SPATA13: variants seen among roughly 807,000 people sequenced by gnomAD.
The protein encoded by SPATA13 is spermatogenesis associated 13.
In SPATA13, 50 loss-of-function variants were observed where a neutral mutation model predicts 104.0. The observed-to-expected ratio is 0.48, with a 90% CI of 0.38 to 0.61. The LOEUF (loss-of-function observed/expected upper bound fraction) is 0.61, where lower values mean the gene tolerates loss of function less well. Ranked by LOEUF, SPATA13 falls within the 20% of genes least tolerant of loss-of-function variation. The pLI is 0.00. For missense variants in SPATA13, 1,524 were observed against 1,690.6 expected (o/e 0.90, Z 1.73); for synonymous variants, 606 against 667.5 (o/e 0.91, Z 1.42).
At chr13:24,165,205 C>G (rs189939604) in intron 1 of SPATA13, among the ~76,000 whole-genome samples, 1 of 152,262 alleles carries the variant, frequency 6.6e-6, no homozygotes, top group Admixed American at 6.5e-5. Context: ...AGCGGGACTG[C>G]CCTAGTCTTT....
At chr13:24,247,593 C>A (rs1363907647) in intron 2 of SPATA13, among the ~76,000 whole-genome samples, 5 of 149,514 alleles carry the variant, frequency 3.3e-5, no homozygotes, top group Non-Finnish European at 7.4e-5. Flanking sequence ...GACTCTCCTG[C>A]CGCCTCAGCC....
chr13:24,223,628 C>G lies in SPATA13; in HGVS notation c.699C>G (p.Ala233=), dbSNP rs373157511. Residue 233 remains alanine (A), a synonymous_variant, in exon 2 of 13, where the codon GCC becomes GCG. Transcript: ENST00000382108. ...TPTIATGQVP[A]VCEILVRDPE... is the part of the protein sequence containing the mutation. ...CGATAGCCACTGGCCAGGTGCCCGC[C>G]GTGTGTGAGATTCTCGTGAGGGACC... 1 of 1,551,906 alleles carries G rather than the reference C, an allele frequency of 6.4e-7. No individual in the cohort carries two copies. The highest frequency in any genetic ancestry group is 1.2e-5 in the South Asian group (1 of 84,064).
At chr13:24,048,631 G>T (rs1878229818) in intron 3 of SPATA13, among the ~76,000 whole-genome samples, 1 of 151,730 alleles carries the variant, frequency 6.6e-6, no homozygotes, top group Non-Finnish European at 1.5e-5. Flanking sequence ...AAACATTTCA[G>T]ATAGTTCAGG....
chr13:24,258,859 C>T (rs1052965731), intron 4 of SPATA13, among the ~76,000 whole-genome samples: 2 of 152,184 alleles, frequency 1.3e-5, no homozygotes, highest in Non-Finnish European at 2.9e-5. Context: ...AGAAACAGGT[C>T]CTCTTCCCCG....
intron 3 of SPATA13, among the ~76,000 whole-genome samples, chr13:24,094,422 T>C (rs986242390): frequency 2.6e-5 from 4 of 152,072 alleles, no homozygotes; most frequent in African/African-American, 9.7e-5. Context: ...TCGAAAACTG[T>C]CCCATCGCAA....
intron 3 of SPATA13, chr13:24,034,689 G>C (rs1278088763): frequency 4.6e-5 from 7 of 152,206 alleles, no homozygotes; most frequent in African/African-American, 1.7e-4. Flanking sequence ...CTCCATGACA[G>C]CTCAATCCCA....
intron 3 of SPATA13, among the ~76,000 whole-genome samples, chr13:24,067,682 G>T (rs1879012372): frequency 6.6e-6 from 1 of 152,060 alleles, no homozygotes; most frequent in Non-Finnish European, 1.5e-5. Flanking sequence ...CTGCTGATTT[G>T]ACCTAATATG....
intron 3 of SPATA13, among the ~76,000 whole-genome samples, chr13:24,043,073 G>C (rs888988926): frequency 6.6e-6 from 1 of 152,178 alleles, no homozygotes; most frequent in South Asian, 2.1e-4. Context: ...TAAATTTCAA[G>C]TGTTCGTTTC....
chr13:24,120,104 TG>T (rs1303617658), intron 3 of SPATA13, among the ~76,000 whole-genome samples: 1 of 152,134 alleles, frequency 6.6e-6, no homozygotes, highest in African/African-American at 2.4e-5. Flanking sequence ...AGGCCTGCTG[TG>T]GTTTGTATCA....
At chr13:24,013,413 A>C (rs146324765) in intron 2 of SPATA13, among the ~76,000 whole-genome samples, 74 of 152,224 alleles carry the variant, frequency 4.9e-4, no homozygotes, top group African/African-American at 1.8e-3. Context: ...TCTGGGGCCC[A>C]TGGGCAGCCC....
intron 3 of SPATA13, among the ~76,000 whole-genome samples, chr13:24,094,792 T>C (rs1880019453): frequency 6.6e-6 from 1 of 152,116 alleles, no homozygotes; most frequent in African/African-American, 2.4e-5. Flanking sequence ...ATGTAAAATA[T>C]TTCAGAATAA....
At chr13:24,105,106 T>TA (rs1275809168) in intron 3 of SPATA13, among the ~76,000 whole-genome samples, 1 of 147,996 alleles carries the variant, frequency 6.8e-6, no homozygotes. Flanking sequence ...CTTGGCTTCT[T>TA]ACAATCGTTT....
intron 1 of SPATA13, among the ~76,000 whole-genome samples, chr13:24,217,150 T>C (rs1871298406): frequency 6.6e-6 from 1 of 152,192 alleles, no homozygotes; most frequent in Non-Finnish European, 1.5e-5. Flanking sequence ...TCCCAGCTAC[T>C]TGGAGGATGA....
intron 4 of SPATA13, among the ~76,000 whole-genome samples, chr13:24,280,090 C>G (rs528805668): frequency 1.3e-3 from 199 of 152,324 alleles, no homozygotes; most frequent in African/African-American, 4.6e-3. Context: ...GAGCTCATTG[C>G]AGACTGGAAA....
chr13:24,175,168 C>G lies in SPATA13; in HGVS notation c.-112+14236C>G, dbSNP rs111940446. ...TCTGTAGCTCTCTAATCCTTTTGGTCGAGGGCATTAATCCTGCAGTGGACT... is the reference window on the plus strand; with the variant it reads ...TCTGTAGCTCTCTAATCCTTTTGGTGGAGGGCATTAATCCTGCAGTGGACT... On this transcript the variant is annotated intron_variant, in intron 1 of 12. Transcript: ENST00000382108. Among the ~76,000 whole-genome samples the G allele has an allele frequency of 4.0e-3, 606 of 152,106 alleles. 2 individuals are homozygous for G. The highest frequency in any genetic ancestry group is 7.3e-3 in the Non-Finnish European group (497 of 68,004).
At chr13:24,002,866 T>C (rs9553139) in intron 2 of SPATA13, among the ~76,000 whole-genome samples, 23,920 of 152,198 alleles carry the variant, frequency 0.16, 2,551 homozygotes, top group East Asian at 0.51. Flanking sequence ...ATCAAACTCA[T>C]TGGTCATCCC....
chr13:24,078,989 C>A (rs1253440911), intron 3 of SPATA13, among the ~76,000 whole-genome samples: 1 of 152,174 alleles, frequency 6.6e-6, no homozygotes, highest in Non-Finnish European at 1.5e-5. Context: ...GAAATTCCAA[C>A]TGGGAATTGT....
intron 1 of SPATA13, among the ~76,000 whole-genome samples, chr13:24,221,512 C>T (rs1593432432): frequency 6.6e-6 from 1 of 151,992 alleles, no homozygotes; most frequent in East Asian, 1.9e-4. Flanking sequence ...CAGGGGAGGG[C>T]CATGGACCCA....
chr13:24,289,135 A>G lies in SPATA13; in HGVS notation c.2804A>G (p.Glu935Gly), dbSNP rs756360388. 1.4e-5 allele frequency: 23 copies of G among 1,612,198 alleles called. No homozygotes were observed. The highest frequency in any genetic ancestry group is 2.2e-5 in the South Asian group (2 of 90,606). Residue 935 changes from glutamate to glycine, a missense_variant, in exon 8 of 13, where the codon GAG (glutamate) becomes GGG (glycine). Physicochemically the swap from Glu to Gly is moderately conservative, Grantham distance 98. This residue lies in a region of SPATA13 where 435 missense variants were observed against 554.8 expected (regional missense o/e 0.78). Transcript: ENST00000382108. ...LKDLEKQYNK[E>G]EPHLSEIGSC... ...GACCTTGAGAAACAGTACAACAAAG[A>G]GGAACCTCACTTAAGTGAAATAGGA...
Sources: gnomAD v4.1 joint callset for allele counts (sites outside exome capture counted in the v4.1 genomes callset) on GRCh38, gnomAD v4.1.1 for gene constraint, gnomAD v4.1.1 regional missense constraint, MANE v1.5 for transcripts, NCBI Gene and HGNC (gene_info 2026-07-23, HGNC 2026-07-21) for gene names.